The following ASB7 variants were observed in gnomAD, a reference collection of about 807,000 sequenced individuals.
ASB7 encodes ankyrin repeat and SOCS box protein 7.
A neutral mutation model predicts 32.5 loss-of-function variants in ASB7; 4 were observed. That is an observed-to-expected ratio of 0.12 (90% CI 0.06 to 0.28). ASB7 has a LOEUF of 0.28. ASB7 is among the 10% of genes least tolerant of loss of function. The pLI, the probability that ASB7 is intolerant of heterozygous loss-of-function variation, is 1.00. For synonymous variants in ASB7, 172 were observed against 155.6 expected, an observed-to-expected ratio of 1.11 and a Z score of -0.78; for missense variants, 181 against 407.1, an observed-to-expected ratio of 0.44 and a Z score of 4.78.
intron 4 of ASB7, among the ~76,000 whole-genome samples, chr15:100,626,023 C>G (rs1358259650): frequency 6.6e-6 from 1 of 151,930 alleles, no homozygotes; most frequent in Non-Finnish European, 1.5e-5. Flanking sequence ...GGCTATTGAT[C>G]TAAATGTGAG....
At chr15:100,646,299 A>G in intron 5 of ASB7, 1 of 392,434 alleles carries the variant, frequency 2.5e-6, no homozygotes, top group Non-Finnish European at 5.1e-6. Flanking sequence ...GAGAAGTCTC[A>G]TCATAAGAAC....
chr15:100,608,702 G>C (rs1056988929), intron 2 of ASB7, among the ~76,000 whole-genome samples: 1 of 152,122 alleles, frequency 6.6e-6, no homozygotes, highest in Non-Finnish European at 1.5e-5. Flanking sequence ...CATTTATTTA[G>C]AAATAATAAT....
chr15:100,616,189 A>T (rs1020465545), intron 4 of ASB7, among the ~76,000 whole-genome samples: 2 of 151,714 alleles, frequency 1.3e-5, no homozygotes, highest in Non-Finnish European at 2.9e-5. Flanking sequence ...TTTTTCTTGG[A>T]AAAAATGACA....
At chr15:100,603,142 CCAGCCCCTTT>C (rs1048206221) in intron 1 of ASB7, 63 bp from the exon 2 acceptor site, 5 of 396,534 alleles carry the variant, frequency 1.3e-5, no homozygotes, top group African/African-American at 1.0e-4. Context: ...TTGCCACTCT[CCAGCCCCTTT>C]CCTGAGCTCC....
chr15:100,625,487 T>C (rs1210142819), intron 4 of ASB7, among the ~76,000 whole-genome samples: 1 of 152,192 alleles, frequency 6.6e-6, no homozygotes, highest in Middle Eastern at 3.2e-3. Context: ...TTAAAATATT[T>C]AATAATAAAT....
chr15:100,633,229 T>C (rs1441696828), intron 5 of ASB7, among the ~76,000 whole-genome samples: 1 of 145,232 alleles, frequency 6.9e-6, no homozygotes, highest in African/African-American at 2.5e-5. Flanking sequence ...AAAAAAAGAA[T>C]GGAATGAATA....
Position 100,650,525 on chromosome 15 carries a change from C to T in ASB7, c.*2063C>T, listed in dbSNP as rs1044783449. The stretch of plus-strand genomic sequence containing the variant: ...GTTACACTTGCACAAGGGCTGATTT[C>T]CACGTATGTGTGTGTTAATTTATTC... On this transcript the variant is annotated 3_prime_UTR_variant, in exon 6 of 6. Coordinates refer to ENST00000332783, the MANE Select transcript of ASB7 (RefSeq NM_198243.3). 2 of 152,176 alleles carry T rather than the reference C, an allele frequency of 1.3e-5. No homozygotes were observed. The highest frequency in any genetic ancestry group is 2.9e-5 in the Non-Finnish European group (2 of 68,040). The allele number at this position is 152,176 out of a possible 1,614,324, so 9.4% of individuals were successfully genotyped here. A position where few individuals can be genotyped will look rare whatever the true frequency, so the allele number is the denominator to read the frequency against.
At chr15:100,642,802 C>T (rs34769890) in intron 5 of ASB7, among the ~76,000 whole-genome samples, 45,359 of 151,976 alleles carry the variant, frequency 0.3, 7,501 homozygotes, top group Non-Finnish European at 0.39. Context: ...CTTGGGAGGC[C>T]GAGGCAGGCA....
chr15:100,641,187 CTCT>C (rs2039959309), intron 5 of ASB7, among the ~76,000 whole-genome samples: 1 of 152,164 alleles, frequency 6.6e-6, no homozygotes, highest in Non-Finnish European at 1.5e-5. Flanking sequence ...TCTCTGCCTT[CTCT>C]TCTTCTGCCA....
At chr15:100,621,634 A>T (rs34464657) in intron 4 of ASB7, among the ~76,000 whole-genome samples, 1 of 152,146 alleles carries the variant, frequency 6.6e-6, no homozygotes, top group African/African-American at 2.4e-5. Context: ...TAAAGATGAA[A>T]TATATGACAG....
chr15:100,638,867 G>C (rs919823826), intron 5 of ASB7, among the ~76,000 whole-genome samples: 1 of 152,098 alleles, frequency 6.6e-6, no homozygotes, highest in African/African-American at 2.4e-5. Context: ...ACAGGCCCTG[G>C]TGTATGATGT....
intron 3 of ASB7, among the ~76,000 whole-genome samples, chr15:100,610,224 G>C (rs1020232052): frequency 6.6e-6 from 1 of 152,076 alleles, no homozygotes; most frequent in South Asian, 2.1e-4. Context: ...GCCGGGCGCA[G>C]TGGCTCACGC....
chr15:100,627,647 G>A (rs62019336), intron 4 of ASB7, among the ~76,000 whole-genome samples: 42,890 of 151,860 alleles, frequency 0.28, 7,177 homozygotes, highest in South Asian at 0.42. Flanking sequence ...TGCAAGTGCA[G>A]TGTTTTGTAA....
chr15:100,606,876 C>T (rs774367302), intron 2 of ASB7, among the ~76,000 whole-genome samples: 2 of 152,060 alleles, frequency 1.3e-5, no homozygotes, highest in Admixed American at 6.5e-5. Flanking sequence ...ACCTCCTGGC[C>T]GGGCGCGGTG....
intron 5 of ASB7, among the ~76,000 whole-genome samples, chr15:100,632,240 G>A (rs1174150340): frequency 6.6e-6 from 1 of 152,200 alleles, no homozygotes; most frequent in African/African-American, 2.4e-5. Flanking sequence ...CAGTAGTCCT[G>A]GCAGTCTGGC....
At position 100,603,283 on chromosome 15, in the gene ASB7, A is replaced by G. The variant is rs2039582611; in HGVS notation, c.-204A>G. On this transcript the variant is annotated 5_prime_UTR_variant, in exon 2 of 6. Transcript: ENST00000332783. ...CCCACCTATCAGAGAAGCAGAAGGCACAGTGCCTCTGACCAGCATCGTCTG... is the reference window on the plus strand; with the variant it reads ...CCCACCTATCAGAGAAGCAGAAGGCGCAGTGCCTCTGACCAGCATCGTCTG... The G allele has an allele frequency of 3.1e-6, 1 of 323,740 alleles. No individual in the cohort carries two copies. The highest frequency in any genetic ancestry group is 5.6e-6 in the Non-Finnish European group (1 of 179,380). The allele number at this position is 323,740 out of a possible 1,614,324, so 20.1% of individuals were successfully genotyped here. A position where few individuals can be genotyped will look rare whatever the true frequency, so the allele number is the denominator to read the frequency against.
Position 100,651,229 on chromosome 15 carries a change from A to G in ASB7, c.*2767A>G, listed in dbSNP as rs1237769032. 1 of 150,780 alleles carries G rather than the reference A, an allele frequency of 6.6e-6. No individual in the cohort carries two copies. The highest frequency in any genetic ancestry group is 1.5e-5 in the Non-Finnish European group (1 of 67,754). The allele number at this position is 150,780 out of a possible 1,614,324, so 9.3% of individuals were successfully genotyped here. On this transcript the variant is annotated 3_prime_UTR_variant, in exon 6 of 6. Coordinates refer to ENST00000332783, the MANE Select transcript of ASB7 (RefSeq NM_198243.3). ...TTTTTTTGTAAATATTTGTGTTTAT[A>G]AATGTACAGCAGAGTAAGAGTGTTT...
At chr15:100,620,046 T>C (rs4965687) in intron 4 of ASB7, among the ~76,000 whole-genome samples, 58,635 of 152,050 alleles carry the variant, frequency 0.39, 12,442 homozygotes, top group East Asian at 0.66. Context: ...TTGCATGTGA[T>C]GAGTGGCTGC....
intron 5 of ASB7, chr15:100,645,530 G>A (rs2039991880): frequency 1.5e-6 from 1 of 664,032 alleles, no homozygotes. Flanking sequence ...TTCATGAGCA[G>A]CCACATCATA....
Sources: allele counts gnomAD v4.1 joint callset (sites outside exome capture counted in the v4.1 genomes callset), GRCh38; gene constraint gnomAD v4.1.1; transcripts MANE v1.5; gene names NCBI Gene and HGNC (gene_info 2026-07-23, HGNC 2026-07-21).